Variants in WNT10A observed in about 807,000 individuals in gnomAD.
WNT10A encodes the protein Wnt family member 10A, also known as protein Wnt-10a.
WNT10A carries 37 observed loss-of-function variants against 36.1 expected under a neutral mutation model. The observed-to-expected ratio is 1.02, with a 90% CI of 0.79 to 1.35. The LOEUF is 1.35. WNT10A is among the 40% of genes most tolerant of loss of function. The probability of loss-of-function intolerance (pLI) is 0.00; values close to 1 mark genes in which losing one functional copy is unlikely to be tolerated. For missense variants in WNT10A, 613 were observed against 601.4 expected, an observed-to-expected ratio of 1.02 and a Z score of -0.20; for synonymous variants, 255 against 254.1, an observed-to-expected ratio of 1.00 and a Z score of -0.03.
chr2:218,881,659 AATGT>A (rs1944517568), intron 1 of WNT10A, among the ~76,000 whole-genome samples: 1 of 152,058 alleles, frequency 6.6e-6, no homozygotes, highest in Non-Finnish European at 1.5e-5. Flanking sequence ...CTCATGGGTC[AATGT>A]ATGTTAAGAT....
chr2:218,880,578 CGCCCCCGCCA>C (rs1944498525), upstream of WNT10A: 1 of 192,130 alleles, frequency 5.2e-6, no homozygotes, highest in East Asian at 1.7e-4. The surrounding 1 kb of genome is among the most constrained non-coding windows in gnomAD (Gnocchi z 7.7). Context: ...CAGACAGCGC[CGCCCCCGCCA>C]GCCAGCCTCG....
rs60385784 is a variant in WNT10A at position 218,892,303 on chromosome 2, C to CCACACACA, written c.757-421_757-414dup. ...ACCGAACACCCCTCCACCCACCCCACCACACACACACACACACACACACAC... is the reference window on the plus strand; with the variant it reads ...ACCGAACACCCCTCCACCCACCCCACCACACACACACACACACACACACACACACACAC... On this transcript the variant is annotated intron_variant, in intron 3 of 3. Transcript: ENST00000258411. 1.5e-4 allele frequency among the ~76,000 whole-genome samples: 15 copies of CCACACACA among 100,948 alleles called. No homozygotes were observed. The East Asian group carries it at 1.5e-3, about 10-fold the overall frequency. 66.2% of individuals were successfully genotyped at this position (100,948 alleles called of 152,430 possible). A position where few individuals can be genotyped will look rare whatever the true frequency, so the allele number is the denominator to read the frequency against.
chr2:218,890,199 C>G lies in WNT10A; in HGVS notation c.592C>G (p.Leu198Val). The G allele has an allele frequency of 6.2e-7, 1 of 1,614,100 alleles. No homozygotes were observed. Among genetic ancestry groups the G allele is most frequent in the Non-Finnish European group, 8.5e-7 (1 of 1,180,012 alleles). ...LSHGVPEHPA[L>V]PTASPGLQDS... ...CCATGGGGTCCCGGAACACCCAGCC[C>G]TGCCCACAGCCAGCCCAGGCCTGCA... The change falls in exon 3 of 4, where the codon CTG (leucine) becomes GTG (valine). Residue 198 changes from leucine to valine, a missense_variant. Physicochemically the swap from Leu to Val is conservative, Grantham distance 32. Transcript: ENST00000258411.
chr2:218,887,782 A>G (rs1391248065), intron 2 of WNT10A, among the ~76,000 whole-genome samples: 1 of 152,234 alleles, frequency 6.6e-6, no homozygotes, highest in Non-Finnish European at 1.5e-5. Flanking sequence ...ACTTCTCAAT[A>G]ATAGCTAATG....
In WNT10A at chr2:218,890,326, C is replaced by G. The variant is rs201578578; in HGVS notation, c.719C>G (p.Ala240Gly). The G allele has an allele frequency of 3.7e-6, 6 of 1,601,376 alleles. No homozygotes were observed. The highest frequency in any genetic ancestry group is 1.1e-5 in the South Asian group (1 of 91,080). Residue 240 changes from alanine (A) to glycine (G), a missense_variant, in exon 3 of 4, where the codon GCG becomes GGG. By Grantham distance (60) the Ala-to-Gly change is moderately conservative (BLOSUM62 0). Coordinates refer to ENST00000258411, the MANE Select transcript of WNT10A (RefSeq NM_025216.3). ...DSREPHRDIHARMRLHNNRVG... is the reference protein window; with the variant it reads ...DSREPHRDIHGRMRLHNNRVG... ...CGGGAGCCTCACAGAGACATCCACGCGAGAATGAGGCTTCACAACAACCGA... is the reference window on the plus strand; with the variant it reads ...CGGGAGCCTCACAGAGACATCCACGGGAGAATGAGGCTTCACAACAACCGA...
chr2:218,888,662 G>A (rs767725119), intron 2 of WNT10A, among the ~76,000 whole-genome samples: 1 of 152,214 alleles, frequency 6.6e-6, no homozygotes, highest in Non-Finnish European at 1.5e-5. Context: ...GGGATGTCCT[G>A]TGGACAAGCA....
rs750260671 is a variant in WNT10A, at chr2:218,893,185, G to A, written c.1168G>A (p.Glu390Lys). ...CAACATCCTGCGCCAGACGCGCAGC[G>A]AGCGCTGCCACTGCCGCTTCCACTG... ...GHNILRQTRSERCHCRFHWCC... is the reference protein window; with the variant it reads ...GHNILRQTRSKRCHCRFHWCC... The change falls in exon 4 of 4, where the codon GAG (glutamate) becomes AAG (lysine). Residue 390 changes from glutamate (E) to lysine (K), a missense_variant. Physicochemically the swap from Glu to Lys is moderately conservative, Grantham distance 56 (BLOSUM62 1). Coordinates refer to ENST00000258411, the MANE Select transcript of WNT10A (RefSeq NM_025216.3). The surrounding 1 kb of genome is among the most constrained non-coding windows in gnomAD (Gnocchi z 6.3). 1.9e-6 allele frequency: 3 copies of A among 1,580,260 alleles called. No homozygotes were observed. Among genetic ancestry groups the A allele is most frequent in the African/African-American group, 1.3e-5 (1 of 74,522 alleles).
chr2:218,885,125 GGC>G (rs1032064407), intron 2 of WNT10A, among the ~76,000 whole-genome samples: 18 of 152,176 alleles, frequency 1.2e-4, no homozygotes, highest in African/African-American at 4.1e-4. Flanking sequence ...CATGCAATAG[GGC>G]TTTGCCCAGC....
chr2:218,874,844 C>T, the WNT10A span, among the ~76,000 whole-genome samples: 3,265 of 152,286 alleles, frequency 0.021, 102 homozygotes, highest in African/African-American at 0.071. Flanking sequence ...AGGGATTTCG[C>T]TCTGTTTCAG....
At chr2:218,890,451 T>G in intron 3 of WNT10A, 88 bp downstream of exon 3, 1 of 1,574,958 alleles carries the variant, frequency 6.3e-7, no homozygotes, top group Non-Finnish European at 8.6e-7. Context: ...GAGGACCACG[T>G]TGCTCCCACA....
Position 218,892,775 on chromosome 2 carries a change from C to T in WNT10A, c.758C>T (p.Ala253Val), listed in dbSNP as rs1414775738. 14 of 1,589,644 alleles carry T rather than the reference C, an allele frequency of 8.8e-6. No individual in the cohort carries two copies. The Admixed American group carries it at 1.9e-4, about 22-fold the overall frequency. Residue 253 changes from alanine (A) to valine (V), a missense_variant and splice_region_variant, in exon 4 of 4, where the codon GCA becomes GTA. Coordinates refer to ENST00000258411, the MANE Select transcript of WNT10A (RefSeq NM_025216.3). The part of the protein sequence containing the change: ...RLHNNRVGRQ[A>V]VMENMRRKCK... ...CCCTCACGGTGCCTCCCTCCGCAGG[C>T]AGTGATGGAGAACATGCGGCGGAAG...
chr2:218,887,880 C>T (rs945906707), intron 2 of WNT10A, among the ~76,000 whole-genome samples: 2 of 152,180 alleles, frequency 1.3e-5, no homozygotes, highest in African/African-American at 4.8e-5. Flanking sequence ...AACAATGAGG[C>T]AGATAATAGC....
At position 218,881,109 on chromosome 2, in the gene WNT10A, G is replaced by T. The variant is rs968817879; in HGVS notation, c.113+1G>T. 1 of 1,591,958 alleles carries T rather than the reference G, an allele frequency of 6.3e-7. No individual in the cohort carries two copies. The highest frequency in any genetic ancestry group is 1.7e-4 in the Middle Eastern group (1 of 6,034). On this transcript the variant is annotated splice_donor_variant, in intron 1 of 3. Transcript: ENST00000258411. LOFTEE classifies it high-confidence loss of function. ...TGCTGCTGGCTGCTGCCATGCCCAG[G>T]TGAGCCCTCACCTCATGCTCCGCCC... is the stretch of plus-strand genomic sequence containing the variant.
intron 2 of WNT10A, 129 bp downstream of exon 2, chr2:218,882,552 C>T: frequency 8.1e-7 from 1 of 1,234,018 alleles, no homozygotes; most frequent in Non-Finnish European, 1.2e-6. Flanking sequence ...ATCTGTTGGC[C>T]CTGCTGCTCT....
intron 1 of WNT10A, among the ~76,000 whole-genome samples, chr2:218,881,702 G>A (rs1191929218): frequency 1.3e-5 from 2 of 152,200 alleles, no homozygotes; most frequent in Admixed American, 6.5e-5. Context: ...GAGTGTCTTT[G>A]TGTGTGTGTC....
At chr2:218,878,214 C>T (rs1944470499), upstream of WNT10A, among the ~76,000 whole-genome samples, 1 of 152,072 alleles carries the variant, frequency 6.6e-6, no homozygotes. The surrounding 1 kb of genome is among the most constrained non-coding windows in gnomAD (Gnocchi z 4.1). Flanking sequence ...GGGGCTGGGA[C>T]CCCAGGGGCA....
intron 2 of WNT10A, among the ~76,000 whole-genome samples, chr2:218,887,624 A>G (rs1232779756): frequency 6.6e-6 from 1 of 152,172 alleles, no homozygotes; most frequent in Admixed American, 6.5e-5. Flanking sequence ...AGAGAGAGGG[A>G]CAGTCTGCTT....
intron 2 of WNT10A, among the ~76,000 whole-genome samples, chr2:218,887,173 CCT>C (rs1301128489): frequency 6.6e-6 from 1 of 152,156 alleles, no homozygotes; most frequent in Non-Finnish European, 1.5e-5. Flanking sequence ...AGATGCCAGA[CCT>C]GGGAGCTGGG....
At chr2:218,883,822 A>G (rs2106012668) in intron 2 of WNT10A, 1 of 147,226 alleles carries the variant, frequency 6.8e-6, no homozygotes, top group African/African-American at 2.5e-5. Context: ...CTCGGGCCAC[A>G]CGCTCCTCCC....
Sources: gnomAD v4.1 joint callset for allele counts (sites outside exome capture counted in the v4.1 genomes callset) on GRCh38, gnomAD v4.1.1 for gene constraint, Gnocchi (gnomAD v3.1) non-coding constraint, MANE v1.5 for transcripts, NCBI Gene and HGNC (gene_info 2026-07-23, HGNC 2026-07-21) for gene names.